Variants in LHX4 observed in about 807,000 individuals in gnomAD.
LHX4 encodes the protein LIM/homeobox protein Lhx4.
Under a neutral mutation model 39.2 loss-of-function variants are expected in LHX4, and 16 were observed. The ratio of observed to expected loss-of-function variants is 0.41; its 90% CI spans 0.28 to 0.62. LHX4 has a LOEUF of 0.62. Among genes scored for constraint, LHX4 ranks in the 20% least tolerant of loss-of-function variants. The pLI is 0.33. For missense variants in LHX4, 439 were observed against 511.9 expected (o/e 0.86, Z 1.37); for synonymous variants, 206 against 198.1 (o/e 1.04, Z -0.33).
chr1:180,245,649 T>C (rs1305384546), intron 1 of LHX4, among the ~76,000 whole-genome samples: 1 of 152,224 alleles, frequency 6.6e-6, no homozygotes, highest in Non-Finnish European at 1.5e-5. Context: ...AGCAAGCCTG[T>C]CTTGAGCACC....
rs1648340893 is a variant in LHX4 at position 180,266,863 on chromosome 1, G to C, written c.451+269G>C. Among the ~76,000 whole-genome samples the C allele has an allele frequency of 6.6e-6, 1 of 152,254 alleles. No individual in the cohort carries two copies. The highest frequency in any genetic ancestry group is 1.5e-5 in the Non-Finnish European group (1 of 68,048). ...TGTCTCCATGGTAGGCTCAGAAGCA[G>C]CCAAGAACCTGGTTGTTACCATGGT... is the stretch of plus-strand genomic sequence containing the variant. On this transcript the variant is annotated intron_variant, in intron 3 of 5. Coordinates refer to ENST00000263726, the MANE Select transcript of LHX4 (RefSeq NM_033343.4). This position sits in a 1 kb window ranked among gnomAD's most constrained non-coding sequence, Gnocchi z 5.7.
At chr1:180,271,673 T>G in intron 4 of LHX4, 139 bp downstream of exon 4, 1 of 1,329,026 alleles carries the variant, frequency 7.5e-7, no homozygotes, top group Non-Finnish European at 1.1e-6. Context: ...GAAGACAGAG[T>G]TCTGAGGCCC....
At chr1:180,229,094 C>G (rs1276825369), upstream of LHX4, among the ~76,000 whole-genome samples, 1 of 152,198 alleles carries the variant, frequency 6.6e-6, no homozygotes, top group Non-Finnish European at 1.5e-5. Flanking sequence ...GCCAGAAACT[C>G]GCGTTGAGGA....
In LHX4 at chr1:180,232,533, C is replaced by G. The variant is rs1045811187; in HGVS notation, c.76+1928C>G. Among the ~76,000 whole-genome samples the G allele has an allele frequency of 1.3e-5, 2 of 152,182 alleles. No individual in the cohort carries two copies. On this transcript the variant is annotated intron_variant, in intron 1 of 5. Transcript: ENST00000263726. The surrounding 1 kb of genome is among the most constrained non-coding windows in gnomAD (Gnocchi z 5.4). The stretch of plus-strand genomic sequence containing the variant: ...CAAAGGAACTTCCACACCCACCCCC[C>G]CAGGGTGGCCCAGGGAGGCAATGTC...
At position 180,247,186 on chromosome 1, in the gene LHX4, A is replaced by G. The variant is rs113520666; in HGVS notation, c.77-1099A>G. Reference sequence around the variant, plus strand: ...GTTGAAACAGTCAGTGACTCAAAATACTATCAAATTCGCAAGCAATCCCTT... The same window carrying G: ...GTTGAAACAGTCAGTGACTCAAAATGCTATCAAATTCGCAAGCAATCCCTT... On this transcript the variant is annotated intron_variant, in intron 1 of 5. Coordinates refer to ENST00000263726, the MANE Select transcript of LHX4 (RefSeq NM_033343.4). 3.0e-3 allele frequency among the ~76,000 whole-genome samples: 452 copies of G among 152,336 alleles called. 3 individuals are homozygous for G. Among genetic ancestry groups the G allele is most frequent in the Non-Finnish European group, 3.7e-3 (251 of 68,024 alleles).
At chr1:180,268,096 G>C (rs139462234) in intron 3 of LHX4, among the ~76,000 whole-genome samples, 2 of 152,306 alleles carry the variant, frequency 1.3e-5, no homozygotes, top group Non-Finnish European at 2.9e-5. Flanking sequence ...ATCTGCTCTG[G>C]TTTCTTAAAA....
In LHX4 at chr1:180,263,818, T is replaced by G. The variant is rs1648205910; in HGVS notation, c.249-2574T>G. Among the ~76,000 whole-genome samples, 3 of 152,138 alleles carry G rather than the reference T, an allele frequency of 2.0e-5. No homozygotes were observed. The South Asian group carries it at 6.2e-4, about 31-fold the overall frequency. ...TTAGTGGGAGAGAGTGTGGCCCCTGTGGAGGAGGCTGCTGAAGGGTCTTCC... is the reference window on the plus strand; with the variant it reads ...TTAGTGGGAGAGAGTGTGGCCCCTGGGGAGGAGGCTGCTGAAGGGTCTTCC... On this transcript the variant is annotated intron_variant, in intron 2 of 5. Coordinates refer to ENST00000263726, the MANE Select transcript of LHX4 (RefSeq NM_033343.4).
chr1:180,234,299 C>G lies in LHX4; in HGVS notation c.76+3694C>G, dbSNP rs1473449081. Among the ~76,000 whole-genome samples, 2 of 149,906 alleles carry G rather than the reference C, an allele frequency of 1.3e-5. No individual in the cohort carries two copies. The highest frequency in any genetic ancestry group is 6.7e-5 in the Admixed American group (1 of 14,964). On this transcript the variant is annotated intron_variant, in intron 1 of 5. Coordinates refer to ENST00000263726, the MANE Select transcript of LHX4 (RefSeq NM_033343.4). The surrounding 1 kb of genome is among the most constrained non-coding windows in gnomAD (Gnocchi z 4.8). Reference sequence around the variant, plus strand: ...ACCATAGACCTCCCTCCCTGCGTCGCGAGAATATATTCTCAGGCAGGAGAC... The same window carrying G: ...ACCATAGACCTCCCTCCCTGCGTCGGGAGAATATATTCTCAGGCAGGAGAC...
Position 180,275,673 on chromosome 1 carries a change from A to AATT in LHX4, c.*1095_*1097dup, listed in dbSNP as rs1393226690. On this transcript the variant is annotated 3_prime_UTR_variant, in exon 6 of 6. Coordinates refer to ENST00000263726, the MANE Select transcript of LHX4 (RefSeq NM_033343.4). ...GTTTTGGTCATTTCCAGGAACCAGCAATTTTTTTTTGGCCTACCTTGGTTG... is the reference window on the plus strand; with the variant it reads ...GTTTTGGTCATTTCCAGGAACCAGCAATTATTTTTTTTTGGCCTACCTTGGTTG... 2.3e-4 allele frequency: 35 copies of AATT among 152,176 alleles called. No individual in the cohort carries two copies. The highest frequency in any genetic ancestry group is 2.3e-3 in the Admixed American group (35 of 15,278). The allele number at this position is 152,176 out of a possible 1,614,324, so 9.4% of individuals were successfully genotyped here.
Position 180,242,138 on chromosome 1 carries a change from G to C in LHX4, c.77-6147G>C, listed in dbSNP as rs978065031. ...CTCCCTACTCTCCCCACTGCTTCAGGATTGGACAGCTCCCTCATTCGGCTA... is the reference window on the plus strand; with the variant it reads ...CTCCCTACTCTCCCCACTGCTTCAGCATTGGACAGCTCCCTCATTCGGCTA... On this transcript the variant is annotated intron_variant, in intron 1 of 5. Coordinates refer to ENST00000263726, the MANE Select transcript of LHX4 (RefSeq NM_033343.4). Among the ~76,000 whole-genome samples, 96 of 152,154 alleles carry C rather than the reference G, an allele frequency of 6.3e-4. 1 individual carries two copies. The highest frequency in any genetic ancestry group is 3.9e-4 in the Admixed American group (6 of 15,278).
rs2149268982 is a variant in LHX4, at chr1:180,274,512, T to C, written c.1106T>C (p.Val369Ala). The change falls in exon 6 of 6, where the codon GTA becomes GCA. Residue 369 changes from valine (V) to alanine (A), a missense_variant. Coordinates refer to ENST00000263726, the MANE Select transcript of LHX4 (RefSeq NM_033343.4). ...PTSDISTGSS[V>A]GYPDFPTSPG... The stretch of plus-strand genomic sequence containing the variant: ...TCTGACATCTCCACAGGAAGCAGTG[T>C]AGGCTATCCCGACTTTCCAACTAGC... The C allele has an allele frequency of 6.2e-7, 1 of 1,610,414 alleles. No homozygotes were observed. The highest frequency in any genetic ancestry group is 1.7e-4 in the Middle Eastern group (1 of 6,050).
chr1:180,245,539 A>G (rs538569737), intron 1 of LHX4, among the ~76,000 whole-genome samples: 2 of 152,332 alleles, frequency 1.3e-5, no homozygotes, highest in East Asian at 3.9e-4. Context: ...GAGTCATGAC[A>G]TCTCTGCAGG....
At chr1:180,229,322 C>A (rs1414373001), upstream of LHX4, among the ~76,000 whole-genome samples, 4 of 152,102 alleles carry the variant, frequency 2.6e-5, no homozygotes, top group Admixed American at 2.0e-4. Flanking sequence ...GGTGGCAGGG[C>A]GGCCGGGGAG....
chr1:180,264,378 A>AACACACACACACATAACACAC (rs1648227613), intron 2 of LHX4, among the ~76,000 whole-genome samples: 5 of 145,400 alleles, frequency 3.4e-5, no homozygotes, highest in African/African-American at 1.0e-4. Flanking sequence ...ACACACACAT[A>AACACACACACACATAACACAC]ACACACACAC....
chr1:180,241,459 A>G (rs1038065295), intron 1 of LHX4, among the ~76,000 whole-genome samples: 3 of 152,242 alleles, frequency 2.0e-5, no homozygotes, highest in Non-Finnish European at 2.9e-5. Flanking sequence ...ACTGGCTATG[A>G]GACAGTGAAG....
At chr1:180,251,214 C>A (rs145974494) in intron 2 of LHX4, among the ~76,000 whole-genome samples, 10 of 152,368 alleles carry the variant, frequency 6.6e-5, no homozygotes, top group Non-Finnish European at 1.5e-5. Flanking sequence ...CCGGCGCTCC[C>A]TTCCAGTCCT....
rs1427292802 is a variant in LHX4, at chr1:180,278,482, C to T, written c.*3903C>T. The T allele has an allele frequency of 6.6e-6, 1 of 152,104 alleles. No individual in the cohort carries two copies. The highest frequency in any genetic ancestry group is 1.5e-5 in the Non-Finnish European group (1 of 68,050). The allele number at this position is 152,104 out of a possible 1,614,324, so 9.4% of individuals were successfully genotyped here. ...CTGCTTGGTAGGACCACACTAAAAG[C>T]ACAGTTTCATGCTGCTAGCTCTGGT... On this transcript the variant is annotated 3_prime_UTR_variant, in exon 6 of 6. Transcript: ENST00000263726.
chr1:180,235,386 G>A (rs1419115609), intron 1 of LHX4, among the ~76,000 whole-genome samples: 3 of 152,242 alleles, frequency 2.0e-5, no homozygotes, highest in African/African-American at 7.2e-5. Context: ...GAGTGCGGAC[G>A]GCGCGCCCAT....
rs1439530988 is a variant in LHX4, at chr1:180,274,521, C to T, written c.1115C>T (p.Pro372Leu). Reference protein sequence around the residue: ...DISTGSSVGYPDFPTSPGSWL... With the variant: ...DISTGSSVGYLDFPTSPGSWL... The stretch of plus-strand genomic sequence containing the variant: ...TCCACAGGAAGCAGTGTAGGCTATC[C>T]CGACTTTCCAACTAGCCCAGGCTCT... Residue 372 changes from proline to leucine, a missense_variant, in exon 6 of 6, where the codon CCC (proline) becomes CTC (leucine). Pro to Leu is a moderately conservative substitution (Grantham distance 98). Transcript: ENST00000263726. The T allele has an allele frequency of 6.2e-7, 1 of 1,607,524 alleles. No homozygotes were observed. The highest frequency in any genetic ancestry group is 1.1e-5 in the South Asian group (1 of 91,036).
Sources: allele counts gnomAD v4.1 joint callset (sites outside exome capture counted in the v4.1 genomes callset), GRCh38; gene constraint gnomAD v4.1.1; non-coding constraint Gnocchi (gnomAD v3.1); transcripts MANE v1.5; gene names NCBI Gene and HGNC (gene_info 2026-07-23, HGNC 2026-07-21).